The following UMPS variants were observed in gnomAD, a reference collection of about 807,000 sequenced individuals.
UMPS encodes the protein uridine 5'-monophosphate synthase.
Under a neutral mutation model 38.9 loss-of-function variants are expected in UMPS, and 21 were observed. The observed-to-expected ratio is 0.54, with a 90% CI of 0.38 to 0.78. The LOEUF is 0.78. UMPS is among the 30% of genes least tolerant of loss of function. The probability of loss-of-function intolerance (pLI) is 0.00; values close to 1 mark genes in which losing one functional copy is unlikely to be tolerated. For synonymous variants in UMPS, 208 were observed against 219.3 expected, an observed-to-expected ratio of 0.95 and a Z score of 0.45; for missense variants, 533 against 591.6, an observed-to-expected ratio of 0.90 and a Z score of 1.03.
In UMPS at chr3:124,744,417, T is replaced by G. The variant is rs2063581168; in HGVS notation, c.*333T>G. 4.4e-6 allele frequency: 2 copies of G among 458,804 alleles called. No homozygotes were observed. The highest frequency in any genetic ancestry group is 2.3e-5 in the Admixed American group (1 of 42,676). The allele number at this position is 458,804 out of a possible 1,614,324, so 28.4% of individuals were successfully genotyped here. The stretch of plus-strand genomic sequence containing the variant: ...CTAGACTGCTTTGTTATTCTATTTA[T>G]TTTTTAATTTTTTTCGAGACAGGAT... On this transcript the variant is annotated 3_prime_UTR_variant, in exon 6 of 6. Transcript: ENST00000232607.
At position 124,737,874 on chromosome 3, in the gene UMPS, T is replaced by C. The variant is rs778507698; in HGVS notation, c.617T>C (p.Phe206Ser). ...RVKRFIQENVFVAANHNGSPL... is the reference protein window; with the variant it reads ...RVKRFIQENVSVAANHNGSPL... ...AAGAGGTTTATTCAGGAGAATGTCT[T>C]TGTGGCAGCGAATCATAATGGTTCT... Residue 206 changes from phenylalanine to serine, a missense_variant, in exon 3 of 6, where the codon TTT (phenylalanine) becomes TCT (serine). Physicochemically the swap from Phe to Ser is radical, Grantham distance 155 (BLOSUM62 -2). Transcript: ENST00000232607. 9.3e-6 allele frequency: 15 copies of C among 1,614,078 alleles called. No homozygotes were observed. In the South Asian group the frequency reaches 1.3e-4, roughly 14 times the overall value.
At position 124,749,131 on chromosome 3, in the gene UMPS, C is replaced by T; in HGVS notation, c.*5047C>T. On this transcript the variant is annotated 3_prime_UTR_variant, in exon 6 of 6. Coordinates refer to ENST00000232607, the MANE Select transcript of UMPS (RefSeq NM_000373.4). The stretch of plus-strand genomic sequence containing the variant: ...ATTGTATTTAACAAGACATGCTGTC[C>T]TTGTTTACCTGGAACCTAGCAATGT... 1 of 454,008 alleles carries T rather than the reference C, an allele frequency of 2.2e-6. No individual in the cohort carries two copies. The highest frequency in any genetic ancestry group is 1.6e-5 in the South Asian group (1 of 64,474). The allele number at this position is 454,008 out of a possible 1,614,324, so 28.1% of individuals were successfully genotyped here.
intron 5 of UMPS, 80 bp downstream of exon 5, chr3:124,742,346 T>A (rs1026924855): frequency 2.0e-6 from 2 of 1,018,148 alleles, no homozygotes; most frequent in Non-Finnish European, 3.1e-6. Context: ...TGCATATTAT[T>A]ATACACTTGC....
intron 1 of UMPS, among the ~76,000 whole-genome samples, chr3:124,734,670 C>T (rs977003179): frequency 6.6e-6 from 1 of 152,148 alleles, no homozygotes; most frequent in Non-Finnish European, 1.5e-5. Flanking sequence ...GACTTACCCC[C>T]ACTAGTTTAT....
At position 124,740,182 on chromosome 3, in the gene UMPS, G is replaced by T. The variant is rs1262629953; in HGVS notation, c.1141G>T (p.Asp381Tyr). 2.5e-6 allele frequency: 4 copies of T among 1,612,870 alleles called. No homozygotes were observed. The highest frequency in any genetic ancestry group is 3.4e-6 in the Non-Finnish European group (4 of 1,179,838). ...MSSTGSLATG[D>Y]YTRAAVRMAE... Reference sequence around the variant, plus strand: ...CTCCACCGGCTCCCTGGCCACTGGGGACTACACTAGAGCAGCGGTAAGTGG... The same window carrying T: ...CTCCACCGGCTCCCTGGCCACTGGGTACTACACTAGAGCAGCGGTAAGTGG... The change falls in exon 4 of 6, where the codon GAC becomes TAC. Residue 381 changes from aspartate to tyrosine, a missense_variant. Transcript: ENST00000232607.
chr3:124,746,478 C>G lies in UMPS; in HGVS notation c.*2394C>G, dbSNP rs114083673. 4.4e-6 allele frequency: 2 copies of G among 452,714 alleles called. No individual in the cohort carries two copies. The highest frequency in any genetic ancestry group is 8.8e-6 in the Non-Finnish European group (2 of 226,796). 28.0% of individuals were successfully genotyped at this position (452,714 alleles called of 1,614,324 possible). Reference sequence around the variant, plus strand: ...AGTCTGGCATCAAAGCTTTAGAGGACAAGTTGATTCAGGCAGAGAAGAACT... The same window carrying G: ...AGTCTGGCATCAAAGCTTTAGAGGAGAAGTTGATTCAGGCAGAGAAGAACT... On this transcript the variant is annotated 3_prime_UTR_variant, in exon 6 of 6. Coordinates refer to ENST00000232607, the MANE Select transcript of UMPS (RefSeq NM_000373.4).
chr3:124,746,333 T>G lies in UMPS; in HGVS notation c.*2249T>G, dbSNP rs1257413656. The G allele has an allele frequency of 6.6e-6, 3 of 454,152 alleles. No individual in the cohort carries two copies. The highest frequency in any genetic ancestry group is 4.7e-5 in the South Asian group (3 of 64,480). The allele number at this position is 454,152 out of a possible 1,614,324, so 28.1% of individuals were successfully genotyped here. On this transcript the variant is annotated 3_prime_UTR_variant, in exon 6 of 6. Coordinates refer to ENST00000232607, the MANE Select transcript of UMPS (RefSeq NM_000373.4). ...TTTCTGCGTTAGCAGATTTGTGGTT[T>G]GCCCAGCAGCCTGGGCGTGTGCATT...
chr3:124,740,474 A>G (rs1031396078), intron 4 of UMPS, among the ~76,000 whole-genome samples: 3 of 152,224 alleles, frequency 2.0e-5, no homozygotes, highest in African/African-American at 7.2e-5. Context: ...TAAATCTACC[A>G]GGACTTTAAG....
In UMPS at chr3:124,747,252, G is replaced by T; in HGVS notation, c.*3168G>T. The T allele has an allele frequency of 8.9e-6, 4 of 448,146 alleles. No individual in the cohort carries two copies. The highest frequency in any genetic ancestry group is 6.2e-5 in the South Asian group (4 of 64,760). 27.8% of individuals were successfully genotyped at this position (448,146 alleles called of 1,614,324 possible). A position where few individuals can be genotyped will look rare whatever the true frequency, so the allele number is the denominator to read the frequency against. On this transcript the variant is annotated 3_prime_UTR_variant, in exon 6 of 6. Transcript: ENST00000232607. ...TCTCACTGTGACTCAGTGTGTGCCCGACAGCAGAGCCCACACCACTCCAGT... is the reference window on the plus strand; with the variant it reads ...TCTCACTGTGACTCAGTGTGTGCCCTACAGCAGAGCCCACACCACTCCAGT...
chr3:124,740,200 G>C lies in UMPS; in HGVS notation c.1158+1G>C. 3 of 1,608,930 alleles carry C rather than the reference G, an allele frequency of 1.9e-6. No individual in the cohort carries two copies. The highest frequency in any genetic ancestry group is 2.5e-6 in the Non-Finnish European group (3 of 1,177,176). On this transcript the variant is annotated splice_donor_variant, in intron 4 of 5. Transcript: ENST00000232607. LOFTEE classifies it high-confidence loss of function. The stretch of plus-strand genomic sequence containing the variant: ...CACTGGGGACTACACTAGAGCAGCG[G>C]TAAGTGGTGGGGGGACTGGGTGAGA...
Position 124,738,210 on chromosome 3 carries a change from T to A in UMPS, c.953T>A (p.Ile318Lys), listed in dbSNP as rs375535366. 1 of 1,614,068 alleles carries A rather than the reference T, an allele frequency of 6.2e-7. No homozygotes were observed. The highest frequency in any genetic ancestry group is 8.5e-7 in the Non-Finnish European group (1 of 1,180,034). The change falls in exon 3 of 6, where the codon ATA becomes AAA. Residue 318 changes from isoleucine to lysine, a missense_variant. Transcript: ENST00000232607. Reference protein sequence around the residue: ...LIFEDRKFADIGNTVKKQYEG... With the variant: ...LIFEDRKFADKGNTVKKQYEG... Reference sequence around the variant, plus strand: ...TTTGAAGACCGGAAGTTTGCAGATATAGGAAACACAGTGAAAAAGCAGTAT... The same window carrying A: ...TTTGAAGACCGGAAGTTTGCAGATAAAGGAAACACAGTGAAAAAGCAGTAT...
Position 124,738,404 on chromosome 3 carries a change from C to T in UMPS, c.982+165C>T, listed in dbSNP as rs17843823. The T allele has an allele frequency of 4.2e-4, 293 of 705,760 alleles. 6 individuals carry two copies. In the South Asian group the frequency reaches 4.9e-3, roughly 12 times the overall value. The allele number at this position is 705,760 out of a possible 1,614,324, so 43.7% of individuals were successfully genotyped here. A position where few individuals can be genotyped will look rare whatever the true frequency, so the allele number is the denominator to read the frequency against. On this transcript the variant is annotated intron_variant, in intron 3 of 5. Coordinates refer to ENST00000232607, the MANE Select transcript of UMPS (RefSeq NM_000373.4). ...TCTTCATGACTTGCTTTCTCTCCAT[C>T]TCTCAGCTCTGCTTTCTTCTCTGTT...
At chr3:124,732,723 C>A (rs17843793) in intron 1 of UMPS, among the ~76,000 whole-genome samples, 37,697 of 152,098 alleles carry the variant, frequency 0.25, 4,934 homozygotes, top group Middle Eastern at 0.38. Context: ...TAAGTTTCCT[C>A]AGCCCACTTA....
intron 5 of UMPS, among the ~76,000 whole-genome samples, chr3:124,743,281 C>T (rs960331451): frequency 2.6e-5 from 4 of 151,706 alleles, no homozygotes; most frequent in African/African-American, 9.7e-5. Flanking sequence ...TTGCAGCGAG[C>T]TGAGATTGTG....
chr3:124,734,670 C>A (rs977003179), intron 1 of UMPS, among the ~76,000 whole-genome samples: 6 of 152,148 alleles, frequency 3.9e-5, no homozygotes, highest in African/African-American at 1.2e-4. Context: ...GACTTACCCC[C>A]ACTAGTTTAT....
chr3:124,739,824 CTACT>C (rs2063543788), intron 3 of UMPS, among the ~76,000 whole-genome samples, 196 bp from the exon 4 acceptor site: 1 of 152,276 alleles, frequency 6.6e-6, no homozygotes, highest in South Asian at 2.1e-4. Context: ...TCTCACCCAG[CTACT>C]TACCTGAATA....
Position 124,746,704 on chromosome 3 carries a change from C to A in UMPS, c.*2620C>A. On this transcript the variant is annotated 3_prime_UTR_variant, in exon 6 of 6. Coordinates refer to ENST00000232607, the MANE Select transcript of UMPS (RefSeq NM_000373.4). ...GACTGATGGAGTGGAGAACGCCATC[C>A]CCCAGCCTCTCCAGCTACTCGAGGC... The A allele has an allele frequency of 2.2e-6, 1 of 451,848 alleles. No homozygotes were observed. Among genetic ancestry groups the A allele is most frequent in the Non-Finnish European group, 4.4e-6 (1 of 225,300 alleles). 28.0% of individuals were successfully genotyped at this position (451,848 alleles called of 1,614,324 possible).
Position 124,736,479 on chromosome 3 carries a change from G to A in UMPS, c.311-1089G>A, listed in dbSNP as rs75208605. Among the ~76,000 whole-genome samples, 298 of 151,226 alleles carry A rather than the reference G, an allele frequency of 2.0e-3. 2 individuals are homozygous for A. Among genetic ancestry groups the A allele is most frequent in the African/African-American group, 6.8e-3 (280 of 41,232 alleles). On this transcript the variant is annotated intron_variant, in intron 2 of 5. Coordinates refer to ENST00000232607, the MANE Select transcript of UMPS (RefSeq NM_000373.4). ...GTTAGTTTTTCTGTTTTTGTTTTTT[G>A]TTTTTTTGAGACAAGGTCTCACTCT...
rs745667553 is a variant in UMPS at position 124,740,128 on chromosome 3, CG to C, written c.1092del (p.Cys365AlafsTer7). 2 of 1,613,988 alleles carry C rather than the reference CG, an allele frequency of 1.2e-6. No individual in the cohort carries two copies. Among genetic ancestry groups the C allele is most frequent in the Non-Finnish European group, 1.7e-6 (2 of 1,180,024 alleles). On this transcript the variant is annotated frameshift_variant, in exon 4 of 6. Coordinates refer to ENST00000232607, the MANE Select transcript of UMPS (RefSeq NM_000373.4). LOFTEE classifies it high-confidence loss of function. ...GCAAGAAGTGGGCCTGCCTTTGCAT[CG>C]GGGGTGCCTCCTTATTGCGGAAATG... The part of the protein sequence containing the change: ...GLQEVGLPLH[R>X]GCLLIAEMSS...
Sources: allele counts gnomAD v4.1 joint callset (sites outside exome capture counted in the v4.1 genomes callset), GRCh38; gene constraint gnomAD v4.1.1; transcripts MANE v1.5; gene names NCBI Gene and HGNC (gene_info 2026-07-23, HGNC 2026-07-21).